BCAS3: variants seen among roughly 807,000 people sequenced by gnomAD.
The protein encoded by BCAS3 is BCAS3 microtubule associated cell migration factor, also known as BCAS4/BCAS3 fusion.
A neutral mutation model predicts 116.1 loss-of-function variants in BCAS3; 53 were observed. The ratio of observed to expected loss-of-function variants is 0.46; its 90% CI spans 0.37 to 0.57. BCAS3 has a LOEUF of 0.57. BCAS3 is among the 20% of genes least tolerant of loss of function. The pLI is 0.00. For synonymous variants in BCAS3, 391 were observed against 408.2 expected, an observed-to-expected ratio of 0.96 and a Z score of 0.51; for missense variants, 917 against 1,165.4, an observed-to-expected ratio of 0.79 and a Z score of 3.10.
At chr17:60,736,722 CT>C (rs1395212309) in intron 5 of BCAS3, among the ~76,000 whole-genome samples, 2 of 151,974 alleles carry the variant, frequency 1.3e-5, no homozygotes, top group African/African-American at 4.8e-5. Context: ...TTCAAGTTGT[CT>C]ATTTATTGTT....
chr17:60,856,391 CA>C (rs1197907492), intron 7 of BCAS3, among the ~76,000 whole-genome samples: 1 of 151,962 alleles, frequency 6.6e-6, no homozygotes, highest in Non-Finnish European at 1.5e-5. Flanking sequence ...CAGTGCATTC[CA>C]AAATTATAGA....
chr17:60,810,306 C>T lies in BCAS3; in HGVS notation c.476+2230C>T, dbSNP rs187438332. ...CCAGGGGCTCTGGTTCCCGGATCTCCGTGTCCCACTCCACCAACTTCTGGG... is the reference window on the plus strand; with the variant it reads ...CCAGGGGCTCTGGTTCCCGGATCTCTGTGTCCCACTCCACCAACTTCTGGG... On this transcript the variant is annotated intron_variant, in intron 7 of 23. Transcript: ENST00000407086. 229 of 449,562 alleles carry T rather than the reference C, an allele frequency of 5.1e-4. 4 individuals are homozygous for T. Among genetic ancestry groups the T allele is most frequent in the Middle Eastern group, 4.1e-3 (7 of 1,714 alleles). 27.8% of individuals were successfully genotyped at this position (449,562 alleles called of 1,614,324 possible).
chr17:60,725,440 C>T (rs906605141), intron 5 of BCAS3, among the ~76,000 whole-genome samples: 2 of 152,064 alleles, frequency 1.3e-5, no homozygotes, highest in Non-Finnish European at 2.9e-5. Flanking sequence ...CTGAAATGTT[C>T]GGGTCTATGT....
intron 19 of BCAS3, among the ~76,000 whole-genome samples, chr17:61,067,273 G>GTGTGTGTATATATATA (rs1251223420): frequency 1.4e-3 from 83 of 58,778 alleles, no homozygotes; most frequent in African/African-American, 6.8e-3. Flanking sequence ...GTGTGTATGT[G>GTGTGTGTATATATATA]TATATATATA....
At chr17:61,167,789 T>C (rs2078603176) in intron 22 of BCAS3, among the ~76,000 whole-genome samples, 1 of 152,188 alleles carries the variant, frequency 6.6e-6, no homozygotes. Flanking sequence ...CAGATGGCAT[T>C]GTTTGGAAGG....
At chr17:60,710,494 C>T (rs1290990112) in intron 5 of BCAS3, among the ~76,000 whole-genome samples, 1 of 149,286 alleles carries the variant, frequency 6.7e-6, no homozygotes, top group African/African-American at 2.5e-5. Flanking sequence ...TGCAGTGGCG[C>T]AATCTCGGCT....
In BCAS3 at chr17:61,045,847, C is replaced by CTA. The variant is rs1479928287; in HGVS notation, c.2029+4956_2029+4957insAT. Among the ~76,000 whole-genome samples the CTA allele has an allele frequency of 8.3e-3, 25 of 2,998 alleles. 3 individuals are homozygous for CTA. The highest frequency in any genetic ancestry group is 0.032 in the African/African-American group (25 of 788). 2.0% of individuals were successfully genotyped at this position (2,998 alleles called of 152,430 possible). A position where few individuals can be genotyped will look rare whatever the true frequency, so the allele number is the denominator to read the frequency against. ...TTTCTCTCTCTCTCTCTCTCTCTCT[C>CTA]TCTATATATATATATATAAATATAT... On this transcript the variant is annotated intron_variant, in intron 19 of 23. Transcript: ENST00000407086.
At chr17:61,209,873 A>T (rs559693482) in intron 22 of BCAS3, among the ~76,000 whole-genome samples, 1 of 152,316 alleles carries the variant, frequency 6.6e-6, no homozygotes, top group Admixed American at 6.5e-5. Context: ...TGTATCTTGA[A>T]GGCCAGTTAA....
intron 23 of BCAS3, chr17:61,389,094 T>A: frequency 9.4e-6 from 2 of 211,730 alleles, no homozygotes; most frequent in Admixed American, 5.3e-5. Flanking sequence ...CTCCCCTAGA[T>A]GAGACACATG....
At chr17:61,172,563 G>A (rs1169999529) in intron 22 of BCAS3, among the ~76,000 whole-genome samples, 2 of 152,220 alleles carry the variant, frequency 1.3e-5, no homozygotes, top group Non-Finnish European at 2.9e-5. Context: ...CGTGAACCCA[G>A]GAGGCAGAGC....
intron 22 of BCAS3, among the ~76,000 whole-genome samples, chr17:61,234,679 A>G (rs1472883173): frequency 6.6e-6 from 1 of 150,914 alleles, no homozygotes; most frequent in African/African-American, 2.4e-5. Context: ...CAACCCATGG[A>G]CCTATAGCTA....
rs982393874 is a variant in BCAS3, at chr17:61,104,707, T to C, written c.2425+20143T>C. 5.3e-5 allele frequency among the ~76,000 whole-genome samples: 8 copies of C among 152,318 alleles called. No homozygotes were observed. In the East Asian group the frequency reaches 1.2e-3, roughly 22 times the overall value. On this transcript the variant is annotated intron_variant, in intron 22 of 23. Transcript: ENST00000407086. This position sits in a 1 kb window ranked among gnomAD's most constrained non-coding sequence, Gnocchi z 4.1. The stretch of plus-strand genomic sequence containing the variant: ...CATTAAAGGACTTTAGATGATCATC[T>C]TAAAGCTTTAAAGAAATGAAAAATA...
intron 22 of BCAS3, among the ~76,000 whole-genome samples, chr17:61,317,596 G>A (rs1215239442): frequency 1.3e-5 from 2 of 152,242 alleles, no homozygotes; most frequent in Non-Finnish European, 2.9e-5. Flanking sequence ...ACCTGGGTCA[G>A]TGGGGTAGTA....
chr17:60,706,730 G>T (rs1202378027), intron 4 of BCAS3, among the ~76,000 whole-genome samples: 1 of 151,382 alleles, frequency 6.6e-6, no homozygotes, highest in Non-Finnish European at 1.5e-5. Context: ...CTGTATTCCA[G>T]CCTGGACAAC....
chr17:61,184,997 A>G (rs2079683520), intron 22 of BCAS3, among the ~76,000 whole-genome samples: 1 of 152,092 alleles, frequency 6.6e-6, no homozygotes, highest in South Asian at 2.1e-4. Context: ...GAAATATTCT[A>G]TATCTTGATT....
At chr17:60,976,020 C>T (rs950430741) in intron 14 of BCAS3, among the ~76,000 whole-genome samples, 127 of 98,260 alleles carry the variant, frequency 1.3e-3, no homozygotes, top group Admixed American at 1.7e-3. Context: ...TAGATTTTTG[C>T]TTTTTTTTTT....
Position 61,313,824 on chromosome 17 carries a change from A to G in BCAS3, c.2426-54503A>G, listed in dbSNP as rs2054521281. 6.6e-6 allele frequency among the ~76,000 whole-genome samples: 1 copy of G among 152,212 alleles called. No individual in the cohort carries two copies. Among genetic ancestry groups the G allele is most frequent in the South Asian group, 2.1e-4 (1 of 4,830 alleles). On this transcript the variant is annotated intron_variant, in intron 22 of 23. Coordinates refer to ENST00000407086, the MANE Select transcript of BCAS3 (RefSeq NM_017679.5). The surrounding 1 kb of genome is among the most constrained non-coding windows in gnomAD (Gnocchi z 4.3). The stretch of plus-strand genomic sequence containing the variant: ...AGGCAAGCTCCCAATTAAGTGGAAG[A>G]GCTCAAGCAAGAGATGTTTCAATGC...
At chr17:60,833,976 A>G (rs2051158815) in intron 7 of BCAS3, among the ~76,000 whole-genome samples, 1 of 152,140 alleles carries the variant, frequency 6.6e-6, no homozygotes, top group African/African-American at 2.4e-5. Flanking sequence ...AATTTAAGTT[A>G]TATTTCACTA....
In BCAS3 at chr17:60,919,190, G is replaced by A. The variant is rs1487657894; in HGVS notation, c.994-5217G>A. 3.3e-5 allele frequency among the ~76,000 whole-genome samples: 5 copies of A among 152,042 alleles called. No homozygotes were observed. In the East Asian group the frequency reaches 7.7e-4, roughly 23 times the overall value. ...ATCATTATTTTTCAATTCTTTTTCA[G>A]GCATTTTATACATTTTTTGGGGGGG... On this transcript the variant is annotated intron_variant, in intron 12 of 23. Transcript: ENST00000407086.
Sources: gnomAD v4.1 joint callset for allele counts (sites outside exome capture counted in the v4.1 genomes callset) on GRCh38, gnomAD v4.1.1 for gene constraint, Gnocchi (gnomAD v3.1) non-coding constraint, MANE v1.5 for transcripts, NCBI Gene and HGNC (gene_info 2026-07-23, HGNC 2026-07-21) for gene names.